ZNF581: variants seen among roughly 807,000 people sequenced by gnomAD.
ZNF581 encodes zinc finger protein 581.
ZNF581 carries 1 observed loss-of-function variant against 1.2 expected under a neutral mutation model. The observed-to-expected ratio is 0.83, with a 90% CI of 0.30 to 3.95. The LOEUF is 3.95. ZNF581 is among the 30% of genes most tolerant of loss of function. ZNF581 has a pLI of 0.18. For synonymous variants in ZNF581, 105 were observed against 109.2 expected (o/e 0.96, Z 0.24); for missense variants, 273 against 274.6 (o/e 0.99, Z 0.04).
chr19:55,643,112 C>T (rs932950128), upstream of ZNF581: 1 of 1,306,184 alleles, frequency 7.7e-7, no homozygotes, highest in Non-Finnish European at 9.8e-7. Context: ...CACACACACC[C>T]CCTGGCTCTG....
upstream of ZNF581, among the ~76,000 whole-genome samples, chr19:55,636,161 C>T (rs1982077949): frequency 6.6e-6 from 1 of 152,146 alleles, no homozygotes; most frequent in Non-Finnish European, 1.5e-5. Flanking sequence ...GCTGAAGTTG[C>T]ATTCAACACA....
At position 55,644,111 on chromosome 19, in the gene ZNF581, CCT is replaced by C. The variant is rs1982710589; in HGVS notation, c.-20+338_-20+339del. On this transcript the variant is annotated intron_variant, in intron 1 of 1. Transcript: ENST00000270451. This position sits in a 1 kb window ranked among gnomAD's most constrained non-coding sequence, Gnocchi z 4.3. ...ACCTGGGGGTCCTAACGTCGGAGCC[CCT>C]GTGAATAGGCTTGGCTTGTATGGAG... Among the ~76,000 whole-genome samples the C allele has an allele frequency of 6.6e-6, 1 of 152,034 alleles. No homozygotes were observed. Among genetic ancestry groups the C allele is most frequent in the Non-Finnish European group, 1.5e-5 (1 of 68,002 alleles).
upstream of ZNF581, chr19:55,640,527 G>T: frequency 1.0e-6 from 1 of 985,454 alleles, no homozygotes; most frequent in Non-Finnish European, 1.2e-6. Flanking sequence ...CCCGTGGAAA[G>T]AACATACCTT....
chr19:55,644,651 C>T lies in ZNF581; in HGVS notation c.80C>T (p.Thr27Ile). The stretch of plus-strand genomic sequence containing the variant: ...ACCATGGAGGGCCCTCCCCGTCGGA[C>T]TTGCCGCTCCCCAGAACCTGGACCT... ...VETMEGPPRR[T>I]CRSPEPGPSS... The change falls in exon 2 of 2, where the codon ACT (threonine) becomes ATT (isoleucine). Residue 27 changes from threonine (T) to isoleucine (I), a missense_variant. Coordinates refer to ENST00000270451, the MANE Select transcript of ZNF581 (RefSeq NM_016535.4). This position sits in a 1 kb window ranked among gnomAD's most constrained non-coding sequence, Gnocchi z 4.3. 2 of 1,611,618 alleles carry T rather than the reference C, an allele frequency of 1.2e-6. No individual in the cohort carries two copies. Among genetic ancestry groups the T allele is most frequent in the Non-Finnish European group, 1.7e-6 (2 of 1,178,872 alleles).
rs140278783 is a variant in ZNF581, at chr19:55,644,775, C to T, written c.204C>T (p.Asp68=). Reference sequence around the variant, plus strand: ...GTGTCCCCTACACAGTGCTGGTGGACGAGGAGTCACAGAGGGAGCCAGGGG... The same window carrying T: ...GTGTCCCCTACACAGTGCTGGTGGATGAGGAGTCACAGAGGGAGCCAGGGG... The part of the protein sequence containing the change: ...TQGVPYTVLV[D]EESQREPGAS... Residue 68 remains aspartate, a synonymous_variant, in exon 2 of 2, where the codon GAC becomes GAT. Coordinates refer to ENST00000270451, the MANE Select transcript of ZNF581 (RefSeq NM_016535.4). This position sits in a 1 kb window ranked among gnomAD's most constrained non-coding sequence, Gnocchi z 4.3. The T allele has an allele frequency of 5.5e-5, 88 of 1,613,734 alleles. No individual in the cohort carries two copies. In the African/African-American group the frequency reaches 5.5e-4, roughly 10 times the overall value.
upstream of ZNF581, chr19:55,642,025 G>T: frequency 1.0e-6 from 1 of 985,076 alleles, no homozygotes; most frequent in Non-Finnish European, 1.2e-6. Flanking sequence ...GCCGGTGGGG[G>T]GGTAGGGGGC....
upstream of ZNF581, among the ~76,000 whole-genome samples, chr19:55,641,425 C>T (rs978408853): frequency 6.6e-6 from 1 of 152,162 alleles, no homozygotes; most frequent in African/African-American, 2.4e-5. Flanking sequence ...AACGCCCGGG[C>T]GCTGGGGTTC....
upstream of ZNF581, among the ~76,000 whole-genome samples, chr19:55,637,491 C>T (rs975890913): frequency 2.0e-5 from 3 of 151,974 alleles, no homozygotes; most frequent in African/African-American, 7.3e-5. Flanking sequence ...GAGCTGAGAT[C>T]GTGCCACTGT....
At chr19:55,640,421 G>C, upstream of ZNF581, 1 of 985,492 alleles carries the variant, frequency 1.0e-6, no homozygotes, top group Non-Finnish European at 1.2e-6. Flanking sequence ...CCTTCGCTGC[G>C]CTTCGGTGTC....
upstream of ZNF581, chr19:55,640,068 A>G: frequency 1.1e-6 from 1 of 939,180 alleles, no homozygotes; most frequent in Non-Finnish European, 1.3e-6. Flanking sequence ...TAGCTGTGGC[A>G]CCCCAGGGTC....
At chr19:55,640,165 G>A (rs1317916497), upstream of ZNF581, 2 of 985,358 alleles carry the variant, frequency 2.0e-6, no homozygotes, top group Non-Finnish European at 2.4e-6. Flanking sequence ...CTCCTGCGAG[G>A]CCGTGGCGCC....
chr19:55,641,192 G>A (rs1395327399), upstream of ZNF581: 1 of 985,322 alleles, frequency 1.0e-6, no homozygotes, highest in South Asian at 4.7e-5. Context: ...GGGTACGGGG[G>A]CCGGGATGGA....
In ZNF581 at chr19:55,644,556, T is replaced by TA; in HGVS notation, c.-16_-15insA. The TA allele has an allele frequency of 6.4e-7, 1 of 1,564,840 alleles. No individual in the cohort carries two copies. Reference sequence around the variant, plus strand: ...TATCCCATCTCCCATCCACCAGGCCTCAGCCAGCCCTCCGGATGCTGGTGC... The same window carrying TA: ...TATCCCATCTCCCATCCACCAGGCCTACAGCCAGCCCTCCGGATGCTGGTGC... On this transcript the variant is annotated 5_prime_UTR_variant, in exon 2 of 2. Coordinates refer to ENST00000270451, the MANE Select transcript of ZNF581 (RefSeq NM_016535.4). The surrounding 1 kb of genome is among the most constrained non-coding windows in gnomAD (Gnocchi z 4.3).
upstream of ZNF581, chr19:55,641,313 C>T: frequency 3.3e-6 from 2 of 603,508 alleles, no homozygotes; most frequent in Non-Finnish European, 4.2e-6. Context: ...GGCGGAGGGA[C>T]GGGAGGGGAA....
At chr19:55,635,633 T>G in exon 1 of ZNF581, 1 of 983,312 alleles carries the variant, frequency 1.0e-6, no homozygotes, top group Non-Finnish European at 1.2e-6. Context: ...TTTGGGGACA[T>G]GAGTAATCAG....
At chr19:55,642,719 G>A, upstream of ZNF581, 2 of 1,508,466 alleles carry the variant, frequency 1.3e-6, no homozygotes, top group South Asian at 1.2e-5. Flanking sequence ...GCAGCTGGAG[G>A]AGGAGCCCCG....
Position 55,645,256 on chromosome 19 carries a change from T to C in ZNF581, c.*91T>C. On this transcript the variant is annotated 3_prime_UTR_variant, in exon 2 of 2. Transcript: ENST00000270451. ...CCTGGTGAGAGCCTGAGGCTGGTGT[T>C]CAGGGCCCTGGACACAGACACAGAG... 4.2e-6 allele frequency: 5 copies of C among 1,197,434 alleles called. No homozygotes were observed. Among genetic ancestry groups the C allele is most frequent in the Non-Finnish European group, 5.8e-6 (5 of 869,460 alleles). 74.2% of individuals were successfully genotyped at this position (1,197,434 alleles called of 1,614,324 possible).
At chr19:55,635,563 G>T in exon 1 of ZNF581, 1 of 629,914 alleles carries the variant, frequency 1.6e-6, no homozygotes, top group Non-Finnish European at 2.0e-6. Flanking sequence ...TGCCAGCCTC[G>T]CTGGACCGTT....
upstream of ZNF581, chr19:55,642,679 C>T (rs757280968): frequency 6.3e-5 from 90 of 1,438,066 alleles, no homozygotes; most frequent in Non-Finnish European, 5.5e-5. Flanking sequence ...TCCTCATCGA[C>T]GCCAATGGGG....
Sources: allele counts gnomAD v4.1 joint callset (sites outside exome capture counted in the v4.1 genomes callset), GRCh38; gene constraint gnomAD v4.1.1; non-coding constraint Gnocchi (gnomAD v3.1); transcripts MANE v1.5; gene names NCBI Gene and HGNC (gene_info 2026-07-23, HGNC 2026-07-21).